The following MAST2 variants were observed in gnomAD, a reference collection of about 807,000 sequenced individuals.
The protein encoded by MAST2 is microtubule associated serine/threonine kinase 2.
Under a neutral mutation model 147.4 loss-of-function variants are expected in MAST2, and 70 were observed. The observed-to-expected ratio is 0.47, with a 90% CI of 0.39 to 0.58. The LOEUF (loss-of-function observed/expected upper bound fraction) is 0.58, where lower values mean the gene tolerates loss of function less well. Ranked by LOEUF, MAST2 falls within the 20% of genes least tolerant of loss-of-function variation. The pLI, the probability that MAST2 is intolerant of heterozygous loss-of-function variation, is 0.00. For missense variants in MAST2, 2,080 were observed against 2,302.3 expected (o/e 0.90, Z 1.98); for synonymous variants, 869 against 896.8 (o/e 0.97, Z 0.55).
chr1:46,031,269 C>G lies in MAST2; in HGVS notation c.2971C>G (p.Arg991Gly), dbSNP rs1465097806. The change falls in exon 23 of 29, where the codon CGG becomes GGG. Residue 991 changes from arginine (R) to glycine (G), a missense_variant. Physicochemically the swap from Arg to Gly is moderately radical, Grantham distance 125. Transcript: ENST00000361297. The surrounding 1 kb of genome is among the most constrained non-coding windows in gnomAD (Gnocchi z 4.1). ...RPKLDEEAVGRSSGSSPAMET... is the reference protein window; with the variant it reads ...RPKLDEEAVGGSSGSSPAMET... ...AAAGCTGGATGAGGAAGCTGTTGGC[C>G]GGAGCAGTGGTTCCAGTCCAGGTAT... 2 of 1,536,038 alleles carry G rather than the reference C, an allele frequency of 1.3e-6. No individual in the cohort carries two copies. Among genetic ancestry groups the G allele is most frequent in the African/African-American group, 1.4e-5 (1 of 72,802 alleles).
chr1:45,969,429 G>T (rs1252478092), intron 5 of MAST2, among the ~76,000 whole-genome samples: 1 of 152,162 alleles, frequency 6.6e-6, no homozygotes, highest in African/African-American at 2.4e-5. Context: ...TAGGAGGTAA[G>T]CGTCAGACAA....
intron 3 of MAST2, among the ~76,000 whole-genome samples, chr1:45,860,894 C>T (rs1490633422): frequency 2.0e-5 from 3 of 152,118 alleles, no homozygotes; most frequent in African/African-American, 7.2e-5. Flanking sequence ...TTTTCAGCAA[C>T]CATGTAGATG....
At chr1:45,849,940 G>T (rs1164832581) in intron 3 of MAST2, among the ~76,000 whole-genome samples, 1 of 152,174 alleles carries the variant, frequency 6.6e-6, no homozygotes, top group Non-Finnish European at 1.5e-5. Flanking sequence ...TTGGTAGAAT[G>T]ATTTGTTTTC....
At chr1:45,994,371 C>CGAG (rs1278942799) in intron 5 of MAST2, among the ~76,000 whole-genome samples, 2 of 148,292 alleles carry the variant, frequency 1.3e-5, no homozygotes, top group Non-Finnish European at 3.0e-5. Flanking sequence ...CTGCAACCTC[C>CGAG]GCCTCCTAGG....
chr1:45,868,362 C>T (rs1314394730), intron 3 of MAST2, among the ~76,000 whole-genome samples: 1 of 152,204 alleles, frequency 6.6e-6, no homozygotes, highest in African/African-American at 2.4e-5. Flanking sequence ...TATCAACTCT[C>T]TTAGTGCCAT....
At chr1:45,844,576 G>C (rs976344364) in intron 3 of MAST2, among the ~76,000 whole-genome samples, 6 of 151,908 alleles carry the variant, frequency 3.9e-5, no homozygotes, top group African/African-American at 1.5e-4. Flanking sequence ...GAGCCACCGC[G>C]GCCAGCTTAA....
intron 5 of MAST2, 55 bp downstream of exon 5, chr1:45,959,532 AT>A: frequency 7.1e-7 from 1 of 1,415,724 alleles, no homozygotes. Context: ...CAGATGCCCA[AT>A]TTCTTTCCTA....
chr1:46,005,338 G>A (rs182205287), intron 7 of MAST2, among the ~76,000 whole-genome samples: 122 of 151,754 alleles, frequency 8.0e-4, no homozygotes, highest in African/African-American at 2.8e-3. Flanking sequence ...CTCCAGCCTG[G>A]GCAACAAGAG....
chr1:45,874,755 T>C (rs971512865), intron 3 of MAST2, among the ~76,000 whole-genome samples: 2 of 152,172 alleles, frequency 1.3e-5, no homozygotes, highest in African/African-American at 4.8e-5. Flanking sequence ...CTCCTGGAGC[T>C]AACAGTCAAA....
intron 6 of MAST2, among the ~76,000 whole-genome samples, chr1:46,001,879 T>C (rs1645288767): frequency 1.3e-5 from 2 of 152,190 alleles, no homozygotes; most frequent in South Asian, 4.1e-4. Flanking sequence ...AATTGTAATA[T>C]GAACTTATAA....
intron 4 of MAST2, among the ~76,000 whole-genome samples, chr1:45,916,144 A>T (rs576948880): frequency 6.6e-6 from 1 of 152,328 alleles, no homozygotes; most frequent in South Asian, 2.1e-4. Flanking sequence ...GATAATGACT[A>T]GGAAAGTGAA....
chr1:45,994,744 C>T (rs1644987315), intron 5 of MAST2, among the ~76,000 whole-genome samples: 1 of 152,168 alleles, frequency 6.6e-6, no homozygotes, highest in Non-Finnish European at 1.5e-5. Context: ...CAGGCTCCTT[C>T]CCAGGAACTG....
In MAST2 at chr1:45,856,608, A is replaced by C. The variant is rs374776073; in HGVS notation, c.469-25756A>C. Among the ~76,000 whole-genome samples, 370 of 152,350 alleles carry C rather than the reference A, an allele frequency of 2.4e-3. 14 individuals are homozygous for C. In the South Asian group the frequency reaches 0.071, roughly 29 times the overall value. ...GTTTGGCTTGCTTCTGTATGTTAAA[A>C]AAACGTTCTGTCTTTTGAAAAGATA... On this transcript the variant is annotated intron_variant, in intron 3 of 28. Coordinates refer to ENST00000361297, the MANE Select transcript of MAST2 (RefSeq NM_015112.3).
intron 8 of MAST2, among the ~76,000 whole-genome samples, chr1:46,008,013 G>A (rs1307867557): frequency 6.6e-6 from 1 of 152,164 alleles, no homozygotes; most frequent in African/African-American, 2.4e-5. Flanking sequence ...TTTATCCTGG[G>A]AAAGCCACCA....
chr1:46,019,167 G>A (rs903297144), intron 10 of MAST2, among the ~76,000 whole-genome samples: 1 of 151,948 alleles, frequency 6.6e-6, no homozygotes, highest in Non-Finnish European at 1.5e-5. Context: ...GCCCTCTTTA[G>A]TGTACTCTCT....
chr1:45,995,424 G>A (rs1198524508), intron 5 of MAST2, among the ~76,000 whole-genome samples: 5 of 147,564 alleles, frequency 3.4e-5, no homozygotes, highest in Admixed American at 6.9e-5. Context: ...GGACTGCAAC[G>A]TCCCATCTAA....
intron 4 of MAST2, among the ~76,000 whole-genome samples, chr1:45,885,209 A>G (rs558251498): frequency 2.6e-5 from 4 of 152,266 alleles, no homozygotes; most frequent in Admixed American, 6.5e-5. Flanking sequence ...AGGGGGCATC[A>G]TATTTGTGTC....
chr1:46,022,192 GC>G, intron 12 of MAST2, 110 bp downstream of exon 12: 1 of 1,372,006 alleles, frequency 7.3e-7, no homozygotes, highest in Non-Finnish European at 1.0e-6. Context: ...ACACAACATG[GC>G]CCCGGGGGCC....
At chr1:45,889,747 A>G (rs941190214) in intron 4 of MAST2, among the ~76,000 whole-genome samples, 1 of 151,628 alleles carries the variant, frequency 6.6e-6, no homozygotes, top group Non-Finnish European at 1.5e-5. Context: ...CTGGGACTAC[A>G]GGTGCACGCC....
Sources: allele counts gnomAD v4.1 joint callset (sites outside exome capture counted in the v4.1 genomes callset), GRCh38; gene constraint gnomAD v4.1.1; non-coding constraint Gnocchi (gnomAD v3.1); transcripts MANE v1.5; gene names NCBI Gene and HGNC (gene_info 2026-07-23, HGNC 2026-07-21).